Variants in XYLB observed in about 807,000 individuals in gnomAD.
XYLB encodes the protein xylulokinase, also known as xylulose kinase.
XYLB carries 62 observed loss-of-function variants against 78.7 expected under a neutral mutation model. That is an observed-to-expected ratio of 0.79 (90% CI 0.64 to 0.97). The LOEUF (loss-of-function observed/expected upper bound fraction) is 0.97, where lower values mean the gene tolerates loss of function less well. Ranked by LOEUF, XYLB falls within the 50% of genes least tolerant of loss-of-function variation. The probability of loss-of-function intolerance (pLI) is 0.00; values close to 1 mark genes in which losing one functional copy is unlikely to be tolerated. For synonymous variants in XYLB, 245 were observed against 247.4 expected, an observed-to-expected ratio of 0.99 and a Z score of 0.09; for missense variants, 687 against 676.8, an observed-to-expected ratio of 1.02 and a Z score of -0.17.
At chr3:38,353,415 C>T (rs928617186) in intron 2 of XYLB, among the ~76,000 whole-genome samples, 2 of 152,082 alleles carry the variant, frequency 1.3e-5, no homozygotes, top group African/African-American at 4.8e-5. Context: ...AAGCAATCCT[C>T]CCTCCTTAGC....
intron 15 of XYLB, among the ~76,000 whole-genome samples, chr3:38,389,216 C>T (rs1452711091): frequency 6.8e-6 from 1 of 146,408 alleles, no homozygotes; most frequent in Non-Finnish European, 1.5e-5. Context: ...ATCCATTTAA[C>T]CCTGAGTGGA....
the XYLB span, among the ~76,000 whole-genome samples, chr3:38,430,717 G>C: frequency 1.3e-5 from 2 of 152,136 alleles, no homozygotes; most frequent in Non-Finnish European, 2.9e-5. Flanking sequence ...AATCCATCTT[G>C]AATTAATTTT....
downstream of XYLB, among the ~76,000 whole-genome samples, chr3:38,418,235 G>A (rs1315535793): frequency 6.7e-6 from 1 of 149,748 alleles, no homozygotes; most frequent in African/African-American, 2.4e-5. Context: ...ATGTATGTAT[G>A]TATCTATGTA....
chr3:38,357,785 T>A (rs1705740029), intron 2 of XYLB, among the ~76,000 whole-genome samples: 1 of 3,194 alleles, frequency 3.1e-4, no homozygotes, highest in South Asian at 0.5. Flanking sequence ...ATTTATCTAA[T>A]GATAATAATG....
At chr3:38,431,258 G>A in the XYLB span, among the ~76,000 whole-genome samples, 1 of 152,128 alleles carries the variant, frequency 6.6e-6, no homozygotes, top group Non-Finnish European at 1.5e-5. Flanking sequence ...TCTCCTTGAA[G>A]AGGTCCTTCA....
At chr3:38,352,919 T>C (rs1410827526) in intron 2 of XYLB, among the ~76,000 whole-genome samples, 1 of 152,178 alleles carries the variant, frequency 6.6e-6, no homozygotes, top group Non-Finnish European at 1.5e-5. Flanking sequence ...TTCACTGTTA[T>C]ATGGGGTTTC....
intron 2 of XYLB, chr3:38,356,104 A>G (rs1705635301): frequency 4.7e-6 from 1 of 213,318 alleles, no homozygotes; most frequent in Non-Finnish European, 9.4e-6. Flanking sequence ...ACAAAAATTT[A>G]GCCAGGCTTG....
the XYLB span, among the ~76,000 whole-genome samples, chr3:38,428,863 A>AT: frequency 1.2e-4 from 18 of 151,984 alleles, no homozygotes; most frequent in Non-Finnish European, 2.2e-4. Flanking sequence ...TTATTTGAGT[A>AT]TTTTTTGTTA....
At chr3:38,396,904 A>G (rs761510549) in intron 16 of XYLB, among the ~76,000 whole-genome samples, 168 bp from the exon 17 acceptor site, 6 of 152,136 alleles carry the variant, frequency 3.9e-5, no homozygotes, top group African/African-American at 7.2e-5. Context: ...TCCTGACTCT[A>G]TTATCACCAG....
chr3:38,442,746 CT>C, the XYLB span, among the ~76,000 whole-genome samples: 1,352 of 48,260 alleles, frequency 0.028, 19 homozygotes, highest in African/African-American at 0.12. Context: ...TTTTTTTTTA[CT>C]AAGACTTGAG....
chr3:38,356,444 G>A (rs1054042747), intron 2 of XYLB: 3 of 152,212 alleles, frequency 2.0e-5, no homozygotes, highest in Admixed American at 6.5e-5. Flanking sequence ...AGCATCCACT[G>A]TATAGTCCCC....
intron 15 of XYLB, 32 bp downstream of exon 15, chr3:38,379,374 G>C: frequency 6.2e-7 from 1 of 1,610,560 alleles, no homozygotes; most frequent in Non-Finnish European, 8.5e-7. Flanking sequence ...TGTGTCCCGG[G>C]GTGGGGGCTC....
At chr3:38,359,712 A>G (rs375737909) in intron 2 of XYLB, among the ~76,000 whole-genome samples, 2 of 152,202 alleles carry the variant, frequency 1.3e-5, no homozygotes, top group South Asian at 2.1e-4. Context: ...AAATCTTTCT[A>G]TGGGCTTAGA....
Position 38,397,054 on chromosome 3 carries a change from C to T in XYLB, c.1351-18C>T, listed in dbSNP as rs1707900845. On this transcript the variant is annotated intron_variant, in intron 16 of 18. Coordinates refer to ENST00000207870, the MANE Select transcript of XYLB (RefSeq NM_005108.4). ...TGAGGAATGGCTCACCACAGTAGAA[C>T]CTCTGTGTCCTTTTCAGGTGCTTGC... is the stretch of plus-strand genomic sequence containing the variant. 1 of 1,613,672 alleles carries T rather than the reference C, an allele frequency of 6.2e-7. No homozygotes were observed. Among genetic ancestry groups the T allele is most frequent in the Non-Finnish European group, 8.5e-7 (1 of 1,179,592 alleles).
chr3:38,411,289 C>A (rs1036979521), intron 18 of XYLB, among the ~76,000 whole-genome samples: 6 of 151,880 alleles, frequency 4.0e-5, no homozygotes, highest in Non-Finnish European at 8.8e-5. Flanking sequence ...GACAAAAAAC[C>A]AAACACCACA....
chr3:38,405,920 G>A (rs1708300710), intron 18 of XYLB, among the ~76,000 whole-genome samples: 1 of 152,256 alleles, frequency 6.6e-6, no homozygotes, highest in Admixed American at 6.5e-5. Flanking sequence ...GCTCAAGGAG[G>A]CCTGCCTGCC....
chr3:38,362,619 G>T (rs182022), intron 3 of XYLB, among the ~76,000 whole-genome samples: 2 of 151,994 alleles, frequency 1.3e-5, no homozygotes, highest in African/African-American at 4.8e-5. Flanking sequence ...CTGAGATTGC[G>T]CCACTCCATT....
downstream of XYLB, among the ~76,000 whole-genome samples, chr3:38,425,411 A>G (rs1040011699): frequency 6.6e-6 from 1 of 152,250 alleles, no homozygotes; most frequent in Non-Finnish European, 1.5e-5. Context: ...ATCACTCCCT[A>G]AAACAACAAT....
chr3:38,376,250 G>T lies in XYLB; in HGVS notation c.1120+18G>T. ...AAACCTGGGTAGGCCAGTTGGTGGT[G>T]CCCAGGCCTGTGAAGGGTCAGCAGC... On this transcript the variant is annotated intron_variant, in intron 13 of 18. Coordinates refer to ENST00000207870, the MANE Select transcript of XYLB (RefSeq NM_005108.4). The T allele has an allele frequency of 6.4e-7, 1 of 1,564,480 alleles. No homozygotes were observed.
Sources: allele counts gnomAD v4.1 joint callset (sites outside exome capture counted in the v4.1 genomes callset), GRCh38; gene constraint gnomAD v4.1.1; transcripts MANE v1.5; gene names NCBI Gene and HGNC (gene_info 2026-07-23, HGNC 2026-07-21).